The following NLRP11 variants were observed in gnomAD, a reference collection of about 807,000 sequenced individuals.
The protein encoded by NLRP11 is NACHT, LRR and PYD domains-containing protein 11.
In NLRP11, 53 loss-of-function variants were observed where a neutral mutation model predicts 79.3. That is an observed-to-expected ratio of 0.67 (90% confidence interval 0.54 to 0.84). The LOEUF (loss-of-function observed/expected upper bound fraction) is 0.84, where lower values mean the gene tolerates loss of function less well. Ranked by LOEUF, NLRP11 falls within the 40% of genes least tolerant of loss-of-function variation. The pLI is 0.00. For missense variants in NLRP11, 1,264 were observed against 1,255.0 expected, an observed-to-expected ratio of 1.01 and a Z score of -0.11; for synonymous variants, 518 against 462.6, an observed-to-expected ratio of 1.12 and a Z score of -1.54.
chr19:55,790,574 G>A (rs760072172), intron 7 of NLRP11, among the ~76,000 whole-genome samples: 38 of 152,242 alleles, frequency 2.5e-4, no homozygotes, highest in Admixed American at 5.2e-4. Flanking sequence ...CCACCTAGAG[G>A]AGTGCCTGAC....
At chr19:55,792,021 T>C (rs1202063024) in intron 7 of NLRP11, among the ~76,000 whole-genome samples, 1 of 129,060 alleles carries the variant, frequency 7.7e-6, no homozygotes, top group Non-Finnish European at 1.7e-5. Flanking sequence ...CATTTTCCCA[T>C]GCTATGTCCA....
intron 1 of NLRP11, among the ~76,000 whole-genome samples, chr19:55,830,167 T>G (rs898248363): frequency 6.6e-6 from 1 of 152,150 alleles, no homozygotes; most frequent in South Asian, 2.1e-4. Flanking sequence ...TGTATCTAGG[T>G]GTTTTTCCCC....
chr19:55,836,013 A>T (rs1390386295), upstream of NLRP11, among the ~76,000 whole-genome samples: 2 of 152,214 alleles, frequency 1.3e-5, no homozygotes, highest in Non-Finnish European at 2.9e-5. Flanking sequence ...AATCCCAGCT[A>T]CTCAGCAGGC....
chr19:55,815,528 C>CAA (rs11343133), intron 2 of NLRP11, among the ~76,000 whole-genome samples: 6,303 of 92,682 alleles, frequency 0.068, 520 homozygotes, highest in African/African-American at 0.18. Context: ...GACTCCATCT[C>CAA]AAAAAAAAAA....
At chr19:55,815,085 G>C (rs931526864) in intron 2 of NLRP11, among the ~76,000 whole-genome samples, 2 of 139,386 alleles carry the variant, frequency 1.4e-5, no homozygotes, top group African/African-American at 6.4e-5. Context: ...TCAAAATAGA[G>C]AACATAGACA....
chr19:55,816,204 C>T (rs1981098681), intron 2 of NLRP11, among the ~76,000 whole-genome samples: 1 of 152,226 alleles, frequency 6.6e-6, no homozygotes, highest in East Asian at 1.9e-4. Context: ...ATATTCCATG[C>T]CATTGGAAGC....
chr19:55,796,619 A>G (rs1235850759), intron 5 of NLRP11, among the ~76,000 whole-genome samples: 1 of 152,098 alleles, frequency 6.6e-6, no homozygotes, highest in East Asian at 1.9e-4. Context: ...CATCACATTT[A>G]CAAGGACTTC....
intron 5 of NLRP11, among the ~76,000 whole-genome samples, chr19:55,800,259 A>T (rs373537008): frequency 8.5e-5 from 13 of 152,260 alleles, no homozygotes; most frequent in Admixed American, 2.6e-4. Context: ...AGCATGACTG[A>T]GGCACTGGAT....
chr19:55,829,675 A>T (rs1240361359), intron 1 of NLRP11, among the ~76,000 whole-genome samples: 3 of 144,850 alleles, frequency 2.1e-5, no homozygotes, highest in African/African-American at 8.4e-5. Flanking sequence ...AAAAAAAAAA[A>T]AAAAAAAAAA....
intron 9 of NLRP11, among the ~76,000 whole-genome samples, chr19:55,786,135 T>C (rs1008989295): frequency 6.6e-6 from 1 of 152,258 alleles, no homozygotes; most frequent in African/African-American, 2.4e-5. Flanking sequence ...ACGTGCTCAA[T>C]GCTTTACATG....
At chr19:55,832,494 G>C (rs1982895068), upstream of NLRP11, among the ~76,000 whole-genome samples, 1 of 152,178 alleles carries the variant, frequency 6.6e-6, no homozygotes. Context: ...CCTCCACCCG[G>C]GGGGCCCGTC....
In NLRP11 at chr19:55,810,142, T is replaced by G. The variant is rs759012810; in HGVS notation, c.468A>C (p.Ala156=). Residue 156 remains alanine, a synonymous_variant, in exon 3 of 10, where the codon GCA becomes GCC. Transcript: ENST00000589093. ...GATTTATAACAATAGTTTTTCCAGA[T>G]GCTCTCTCTCCCATCAGGAACACAT... is the stretch of plus-strand genomic sequence containing the variant. The G allele has an allele frequency of 1.7e-5, 27 of 1,614,158 alleles. 1 individual carries two copies. The South Asian group carries it at 2.7e-4, about 16-fold the overall frequency.
upstream of NLRP11, among the ~76,000 whole-genome samples, chr19:55,835,610 G>A (rs886645250): frequency 3.3e-5 from 5 of 150,058 alleles, no homozygotes; most frequent in Non-Finnish European, 5.9e-5. Flanking sequence ...GGGAGGCCGA[G>A]GCGGGCAGAT....
intron 6 of NLRP11, among the ~76,000 whole-genome samples, chr19:55,795,288 G>C (rs777274806): frequency 6.6e-6 from 1 of 152,030 alleles, no homozygotes; most frequent in African/African-American, 2.4e-5. Flanking sequence ...CTTGAAAGGA[G>C]ACTCAGGGGA....
intron 1 of NLRP11, among the ~76,000 whole-genome samples, chr19:55,818,734 GTT>G (rs537584109): frequency 4.7e-4 from 72 of 152,248 alleles, no homozygotes; most frequent in African/African-American, 1.7e-3. Flanking sequence ...AGAGGCAACT[GTT>G]ATAATAAGCA....
At chr19:55,790,001 C>A (rs1990139327) in intron 7 of NLRP11, among the ~76,000 whole-genome samples, 1 of 152,132 alleles carries the variant, frequency 6.6e-6, no homozygotes, top group African/African-American at 2.4e-5. Flanking sequence ...GATTCTCGAG[C>A]ACAGTTGGCT....
chr19:55,818,012 C>T (rs200170935), exon 2 of NLRP11: 41 of 1,613,536 alleles, frequency 2.5e-5, no homozygotes, highest in South Asian at 7.7e-5. Flanking sequence ...ATTGGCAACA[C>T]GTTAGCCAGT....
At chr19:55,788,784 A>G (rs1453036374) in intron 9 of NLRP11, 23 bp downstream of exon 9, 1 of 1,283,546 alleles carries the variant, frequency 7.8e-7, no homozygotes, top group Non-Finnish European at 1.1e-6. Context: ...TTTCCCCATC[A>G]CCAAGGAAAA....
At chr19:55,786,960 A>G (rs1989916173) in intron 9 of NLRP11, among the ~76,000 whole-genome samples, 1 of 152,228 alleles carries the variant, frequency 6.6e-6, no homozygotes. Flanking sequence ...AGAGATGACA[A>G]GGGAAAACAA....
Sources: allele counts gnomAD v4.1 joint callset (sites outside exome capture counted in the v4.1 genomes callset), GRCh38; gene constraint gnomAD v4.1.1; transcripts MANE v1.5; gene names NCBI Gene and HGNC (gene_info 2026-07-23, HGNC 2026-07-21).